The following DCC variants were observed in gnomAD, a reference collection of about 807,000 sequenced individuals.
DCC encodes the protein netrin receptor DCC.
DCC carries 58 observed loss-of-function variants against 172.5 expected under a neutral mutation model. The ratio of observed to expected loss-of-function variants is 0.34; its 90% CI spans 0.27 to 0.42. DCC has a LOEUF of 0.42. Among genes scored for constraint, DCC ranks in the 10% least tolerant of loss-of-function variants. The pLI is 1.00. For synonymous variants in DCC, 709 were observed against 644.5 expected (o/e 1.10, Z -1.52); for missense variants, 1,740 against 1,791.0 (o/e 0.97, Z 0.51).
intron 5 of DCC, among the ~76,000 whole-genome samples, chr18:52,984,174 A>G (rs2041255542): frequency 6.6e-6 from 1 of 152,080 alleles, no homozygotes; most frequent in Non-Finnish European, 1.5e-5. Context: ...GGTATAACAG[A>G]ATGATTGATA....
intron 13 of DCC, among the ~76,000 whole-genome samples, chr18:53,310,433 T>A (rs2057252849): frequency 6.6e-6 from 1 of 151,830 alleles, no homozygotes; most frequent in South Asian, 2.1e-4. Context: ...ATACTCAAAT[T>A]TTTTTTTACA....
chr18:53,083,826 C>T (rs577449061), intron 7 of DCC, among the ~76,000 whole-genome samples: 109 of 152,198 alleles, frequency 7.2e-4, no homozygotes, highest in African/African-American at 2.5e-3. Context: ...TAAGGAACAA[C>T]AAAAATAATT....
At chr18:52,880,153 A>T (rs1001680954) in intron 2 of DCC, among the ~76,000 whole-genome samples, 2 of 151,472 alleles carry the variant, frequency 1.3e-5, no homozygotes, top group South Asian at 4.2e-4. Context: ...TCTTTTTGAG[A>T]CAGGGTTTCA....
chr18:53,366,789 A>C (rs1455711426), intron 15 of DCC, among the ~76,000 whole-genome samples: 1 of 152,196 alleles, frequency 6.6e-6, no homozygotes, highest in African/African-American at 2.4e-5. Flanking sequence ...TGGCCAGTGA[A>C]GGTGAGCAAA....
chr18:52,699,233 G>T (rs535043054), intron 1 of DCC, among the ~76,000 whole-genome samples: 1 of 152,122 alleles, frequency 6.6e-6, no homozygotes. Context: ...TTATGACCGG[G>T]AGCCTCAGAG....
intron 3 of DCC, among the ~76,000 whole-genome samples, chr18:52,914,861 A>G (rs1291286365): frequency 6.6e-6 from 1 of 152,106 alleles, no homozygotes; most frequent in East Asian, 1.9e-4. Flanking sequence ...ATTAATTTGT[A>G]ACTCTTATGC....
At chr18:53,001,440 G>A (rs1043885624) in intron 5 of DCC, among the ~76,000 whole-genome samples, 5 of 152,132 alleles carry the variant, frequency 3.3e-5, no homozygotes, top group Middle Eastern at 3.4e-3. Flanking sequence ...AAATAAAAAC[G>A]TTCATAACCT....
Position 53,049,204 on chromosome 18 carries a change from A to G in DCC, c.986-14101A>G, listed in dbSNP as rs550573446. ...TAGTTTAATTAGGTTCCATTTCTCA[A>G]TTTTTGTTTCTATTGCAATTGTTTT... On this transcript the variant is annotated intron_variant, in intron 5 of 28. Transcript: ENST00000442544. 5.3e-5 allele frequency among the ~76,000 whole-genome samples: 8 copies of G among 151,808 alleles called. No individual in the cohort carries two copies. In the East Asian group the frequency reaches 1.2e-3, roughly 22 times the overall value.
chr18:53,508,486 CCTGG>C (rs746413510), intron 27 of DCC, among the ~76,000 whole-genome samples: 10 of 152,218 alleles, frequency 6.6e-5, no homozygotes, highest in Non-Finnish European at 1.2e-4. Flanking sequence ...AGCCACCGCG[CCTGG>C]CTAAGACTGC....
intron 1 of DCC, among the ~76,000 whole-genome samples, chr18:52,347,067 T>C (rs1387130788): frequency 1.3e-5 from 2 of 152,190 alleles, no homozygotes; most frequent in African/African-American, 4.8e-5. Flanking sequence ...TAAGAGTATC[T>C]AGGACAAACA....
At chr18:52,613,537 G>C (rs938937663) in intron 1 of DCC, among the ~76,000 whole-genome samples, 1 of 152,130 alleles carries the variant, frequency 6.6e-6, no homozygotes, top group Non-Finnish European at 1.5e-5. Context: ...TTACAGGGGT[G>C]AGCCACCACA....
At chr18:53,246,460 C>T (rs2056366006) in intron 12 of DCC, among the ~76,000 whole-genome samples, 1 of 151,110 alleles carries the variant, frequency 6.6e-6, no homozygotes, top group African/African-American at 2.4e-5. Flanking sequence ...CAAGGAAATG[C>T]AATGATAAAT....
intron 21 of DCC, among the ~76,000 whole-genome samples, chr18:53,425,169 A>G (rs1446239721): frequency 6.6e-6 from 1 of 150,752 alleles, no homozygotes; most frequent in Non-Finnish European, 1.5e-5. Context: ...CACTTTTTCC[A>G]GTACTCTGCA....
intron 5 of DCC, among the ~76,000 whole-genome samples, chr18:52,964,715 T>TA (rs200346805): frequency 1.8e-4 from 27 of 152,112 alleles, no homozygotes; most frequent in African/African-American, 6.0e-4. Context: ...ACTGCTGTTT[T>TA]AAAAAAATTA....
intron 9 of DCC, among the ~76,000 whole-genome samples, chr18:53,192,577 T>TCA (rs2055382064): frequency 6.6e-6 from 1 of 152,062 alleles, no homozygotes; most frequent in African/African-American, 2.4e-5. Flanking sequence ...CAGCTGACTA[T>TCA]CAATCAATAG....
At chr18:52,443,698 C>A (rs557237386) in intron 1 of DCC, among the ~76,000 whole-genome samples, 1 of 152,232 alleles carries the variant, frequency 6.6e-6, no homozygotes, top group East Asian at 1.9e-4. Flanking sequence ...GAGAGAGAGG[C>A]AGCTGGACAT....
intron 1 of DCC, among the ~76,000 whole-genome samples, chr18:52,668,367 C>T (rs1050620658): frequency 6.6e-6 from 1 of 152,096 alleles, no homozygotes; most frequent in African/African-American, 2.4e-5. Context: ...AATTCATGGA[C>T]AGGAGGTACA....
At chr18:53,140,511 A>G (rs2043814454) in intron 7 of DCC, among the ~76,000 whole-genome samples, 1 of 152,174 alleles carries the variant, frequency 6.6e-6, no homozygotes, top group Admixed American at 6.5e-5. Context: ...CACAGAGATT[A>G]CATGCTGGAG....
At chr18:52,374,868 G>T (rs1280465589) in intron 1 of DCC, among the ~76,000 whole-genome samples, 3 of 152,190 alleles carry the variant, frequency 2.0e-5, no homozygotes, top group Non-Finnish European at 4.4e-5. Context: ...TTGTATGAGA[G>T]AAGGGAAGTT....
Sources: gnomAD v4.1 joint callset for allele counts (sites outside exome capture counted in the v4.1 genomes callset) on GRCh38, gnomAD v4.1.1 for gene constraint, MANE v1.5 for transcripts, NCBI Gene and HGNC (gene_info 2026-07-23, HGNC 2026-07-21) for gene names.